NTRK3: variants seen among roughly 807,000 people sequenced by gnomAD.
The protein encoded by NTRK3 is NT-3 growth factor receptor.
Under a neutral mutation model 91.7 loss-of-function variants are expected in NTRK3, and 24 were observed. The observed-to-expected ratio is 0.26, with a 90% CI of 0.19 to 0.37. The LOEUF is 0.37. Ranked by LOEUF, NTRK3 falls within the 10% of genes least tolerant of loss-of-function variation. The pLI, the probability that NTRK3 is intolerant of heterozygous loss-of-function variation, is 1.00. For missense variants in NTRK3, 880 were observed against 1,068.9 expected (o/e 0.82, Z 2.46); for synonymous variants, 483 against 404.0 (o/e 1.20, Z -2.34).
At chr15:87,931,057 C>A (rs2068753812) in intron 16 of NTRK3, 1 of 356,398 alleles carries the variant, frequency 2.8e-6, no homozygotes, top group Admixed American at 3.8e-5. Flanking sequence ...CTTCTGTACT[C>A]CTTTTTCTTT....
intron 16 of NTRK3, among the ~76,000 whole-genome samples, chr15:87,932,226 C>G (rs895964467): frequency 1.3e-5 from 2 of 152,160 alleles, no homozygotes; most frequent in African/African-American, 4.8e-5. Context: ...GTTCTAGGCT[C>G]GGAGAAACCC....
At chr15:87,959,678 G>A (rs1359640147) in intron 14 of NTRK3, among the ~76,000 whole-genome samples, 1 of 152,138 alleles carries the variant, frequency 6.6e-6, no homozygotes, top group Non-Finnish European at 1.5e-5. Context: ...CTCAATCTGA[G>A]GCCCTACGCT....
chr15:88,231,272 C>A (rs572627310), intron 3 of NTRK3, among the ~76,000 whole-genome samples: 106 of 152,272 alleles, frequency 7.0e-4, no homozygotes, highest in African/African-American at 2.4e-3. Context: ...CATTGTTTAA[C>A]ATTTTTGTAT....
intron 6 of NTRK3, among the ~76,000 whole-genome samples, chr15:88,146,803 A>G (rs1305076369): frequency 6.6e-6 from 1 of 151,824 alleles, no homozygotes; most frequent in African/African-American, 2.4e-5. Context: ...AAAGACATGT[A>G]ACTTGAAGTC....
chr15:88,036,304 G>A (rs1596870224), intron 13 of NTRK3, among the ~76,000 whole-genome samples: 2 of 151,930 alleles, frequency 1.3e-5, no homozygotes, highest in African/African-American at 4.8e-5. Flanking sequence ...CATTTATAAA[G>A]GAACAGCAAT....
intron 5 of NTRK3, among the ~76,000 whole-genome samples, chr15:88,161,611 G>T (rs961995976): frequency 6.6e-6 from 1 of 152,202 alleles, no homozygotes; most frequent in Non-Finnish European, 1.5e-5. Context: ...CATAAAAAAT[G>T]GAGACCCATC....
At chr15:88,043,226 A>C (rs2079830085) in intron 13 of NTRK3, among the ~76,000 whole-genome samples, 1 of 152,222 alleles carries the variant, frequency 6.6e-6, no homozygotes, top group East Asian at 1.9e-4. Flanking sequence ...TTGTACAGAC[A>C]GTATTTCAGA....
At chr15:87,863,764 T>C (rs897080854) in exon 19 of NTRK3, 2 of 229,930 alleles carry the variant, frequency 8.7e-6, no homozygotes, top group Admixed American at 5.7e-5. Flanking sequence ...GACAATAATT[T>C]ATATGGCTTG....
chr15:87,988,374 G>C (rs539416707), intron 14 of NTRK3, among the ~76,000 whole-genome samples: 116 of 152,334 alleles, frequency 7.6e-4, no homozygotes, highest in Non-Finnish European at 1.5e-3. Flanking sequence ...TCCAGGAATG[G>C]AGAAAGGACA....
chr15:88,100,392 A>G (rs2050049558), intron 13 of NTRK3, among the ~76,000 whole-genome samples: 1 of 152,196 alleles, frequency 6.6e-6, no homozygotes, highest in African/African-American at 2.4e-5. Context: ...GCTGGGGGGA[A>G]CCAAGTATTA....
intron 17 of NTRK3, among the ~76,000 whole-genome samples, chr15:87,912,965 T>C (rs1161993072): frequency 7.6e-6 from 1 of 131,434 alleles, no homozygotes; most frequent in African/African-American, 2.7e-5. Context: ...TATATATATA[T>C]ATATATATGC....
At chr15:88,202,612 C>A (rs1339434587) in intron 3 of NTRK3, among the ~76,000 whole-genome samples, 1 of 152,180 alleles carries the variant, frequency 6.6e-6, no homozygotes, top group African/African-American at 2.4e-5. Flanking sequence ...CAGTTGGGCC[C>A]CAGACCTGTT....
At chr15:87,978,432 A>T (rs1874167126) in intron 14 of NTRK3, 1 of 228,976 alleles carries the variant, frequency 4.4e-6, no homozygotes, top group Admixed American at 5.7e-5. Context: ...CAGAGTCAAG[A>T]ATAAGTGGAA....
intron 13 of NTRK3, among the ~76,000 whole-genome samples, chr15:88,091,137 T>C (rs541107440): frequency 6.0e-4 from 91 of 152,224 alleles, no homozygotes; most frequent in African/African-American, 1.3e-3. Context: ...CATGCTAAAT[T>C]GGGAACCCGT....
At position 88,127,356 on chromosome 15, in the gene NTRK3, C is replaced by G. The variant is rs527454053; in HGVS notation, c.1229-130G>C. The G allele has an allele frequency of 4.1e-5, 32 of 781,768 alleles. No homozygotes were observed. In the African/African-American group the frequency reaches 5.1e-4, roughly 13 times the overall value. 48.4% of individuals were successfully genotyped at this position (781,768 alleles called of 1,614,324 possible). Reference sequence around the variant, plus strand: ...CAGAACATCCTCTGAAAGCCAGGCTCTTGCAGTCTGCCTTCCCCAGGCTTT... The same window carrying G: ...CAGAACATCCTCTGAAAGCCAGGCTGTTGCAGTCTGCCTTCCCCAGGCTTT... On this transcript the variant is annotated intron_variant, in intron 11 of 18. Transcript: ENST00000394480.
intron 14 of NTRK3, among the ~76,000 whole-genome samples, chr15:87,956,941 C>T (rs1233347238): frequency 2.0e-5 from 3 of 152,118 alleles, no homozygotes; most frequent in Non-Finnish European, 2.9e-5. Context: ...TTCTGGTTAT[C>T]GTTTATCAAT....
intron 3 of NTRK3, among the ~76,000 whole-genome samples, chr15:88,248,491 T>C (rs927030271): frequency 6.6e-6 from 1 of 150,464 alleles, no homozygotes; most frequent in Non-Finnish European, 1.5e-5. Flanking sequence ...CTCTTTTATT[T>C]ATTTTTAACT....
At chr15:88,183,042 C>T (rs2046647145) in intron 5 of NTRK3, among the ~76,000 whole-genome samples, 1 of 145,494 alleles carries the variant, frequency 6.9e-6, no homozygotes, top group Non-Finnish European at 1.5e-5. Flanking sequence ...AGTCCTAACA[C>T]ACATACACAC....
chr15:88,040,880 A>G (rs1374609072), intron 13 of NTRK3, among the ~76,000 whole-genome samples: 1 of 151,956 alleles, frequency 6.6e-6, no homozygotes, highest in African/African-American at 2.4e-5. Flanking sequence ...TTGATCCTCA[A>G]CAACTACCAT....
Sources: allele counts gnomAD v4.1 joint callset (sites outside exome capture counted in the v4.1 genomes callset), GRCh38; gene constraint gnomAD v4.1.1; transcripts MANE v1.5; gene names NCBI Gene and HGNC (gene_info 2026-07-23, HGNC 2026-07-21).